MAP2K5: variants seen among roughly 807,000 people sequenced by gnomAD.
MAP2K5 encodes the protein mitogen-activated protein kinase kinase 5.
MAP2K5 carries 49 observed loss-of-function variants against 83.1 expected under a neutral mutation model. That is an observed-to-expected ratio of 0.59 (90% CI 0.47 to 0.75). The LOEUF is 0.75. MAP2K5 is among the 30% of genes least tolerant of loss of function. The pLI is 0.00. For missense variants in MAP2K5, 457 were observed against 557.5 expected, an observed-to-expected ratio of 0.82 and a Z score of 1.82; for synonymous variants, 202 against 191.8, an observed-to-expected ratio of 1.05 and a Z score of -0.44.
At chr15:67,607,387 A>G (rs1367815896) in intron 8 of MAP2K5, among the ~76,000 whole-genome samples, 6 of 152,198 alleles carry the variant, frequency 3.9e-5, no homozygotes. Context: ...ACGATAATGT[A>G]TATTTTATTG....
At chr15:67,651,295 C>T (rs1323118301) in intron 11 of MAP2K5, among the ~76,000 whole-genome samples, 1 of 152,286 alleles carries the variant, frequency 6.6e-6, no homozygotes, top group East Asian at 1.9e-4. Context: ...AATATTTTGA[C>T]ACAAGCATAC....
At chr15:67,706,610 T>C (rs752441224) in intron 16 of MAP2K5, among the ~76,000 whole-genome samples, 103 of 152,126 alleles carry the variant, frequency 6.8e-4, no homozygotes, top group Admixed American at 1.2e-3. Context: ...ATTATGATCA[T>C]CAGAGAGGGT....
chr15:67,771,818 T>C (rs972573383), intron 20 of MAP2K5, among the ~76,000 whole-genome samples: 1 of 152,246 alleles, frequency 6.6e-6, no homozygotes, highest in Non-Finnish European at 1.5e-5. Context: ...TCTTGCTTGT[T>C]AGAAGAGTGC....
chr15:67,568,759 C>A (rs759593730), intron 3 of MAP2K5, among the ~76,000 whole-genome samples: 5 of 152,138 alleles, frequency 3.3e-5, no homozygotes, highest in Admixed American at 3.3e-4. Flanking sequence ...GTAATCCCAG[C>A]ACTTTGGGAG....
At chr15:67,740,212 A>G (rs970534228) in intron 17 of MAP2K5, among the ~76,000 whole-genome samples, 6 of 152,238 alleles carry the variant, frequency 3.9e-5, no homozygotes, top group Admixed American at 6.5e-5. Context: ...AGAGTCTAGT[A>G]TAGCGCCTGG....
intron 17 of MAP2K5, among the ~76,000 whole-genome samples, chr15:67,729,285 G>T (rs1269599533): frequency 6.6e-6 from 1 of 152,112 alleles, no homozygotes; most frequent in Admixed American, 6.5e-5. Flanking sequence ...TGGCCAATTT[G>T]TGAAATCCCC....
In MAP2K5 at chr15:67,770,354, T is replaced by A. The variant is rs2090118600; in HGVS notation, c.1196+691T>A. ...ACGCAGATGTCTTTTATTACCCCTT[T>A]CACCATCATTCCCCTCTTCCCTCGT... On this transcript the variant is annotated intron_variant, in intron 20 of 21. Transcript: ENST00000178640. The surrounding 1 kb of genome is among the most constrained non-coding windows in gnomAD (Gnocchi z 5.0). 6.6e-6 allele frequency among the ~76,000 whole-genome samples: 1 copy of A among 152,214 alleles called. No homozygotes were observed. The highest frequency in any genetic ancestry group is 1.5e-5 in the Non-Finnish European group (1 of 68,034).
At chr15:67,607,275 TTAA>T (rs1414143502) in intron 8 of MAP2K5, among the ~76,000 whole-genome samples, 1 of 152,220 alleles carries the variant, frequency 6.6e-6, no homozygotes, top group Non-Finnish European at 1.5e-5. Context: ...AGCAAGGATA[TTAA>T]TGTTTTCAGA....
intron 9 of MAP2K5, among the ~76,000 whole-genome samples, chr15:67,639,960 C>T (rs2086680115): frequency 6.6e-6 from 1 of 152,202 alleles, no homozygotes; most frequent in African/African-American, 2.4e-5. Flanking sequence ...CTATCTCTCA[C>T]TCACTCATTT....
At chr15:67,639,667 A>T (rs2086672055) in intron 9 of MAP2K5, among the ~76,000 whole-genome samples, 1 of 152,114 alleles carries the variant, frequency 6.6e-6, no homozygotes, top group Non-Finnish European at 1.5e-5. Flanking sequence ...TAAACTAAAG[A>T]CTTTAGAGGA....
At position 67,555,436 on chromosome 15, in the gene MAP2K5, G is replaced by A. The variant is rs1200496993; in HGVS notation, c.184+5354G>A. ...CCTTCCAGGCCCCGCCTGCAACATT[G>A]GGGATCACTTTGGAGGGGACAAATA... On this transcript the variant is annotated intron_variant, in intron 2 of 21. Transcript: ENST00000178640. This position sits in a 1 kb window ranked among gnomAD's most constrained non-coding sequence, Gnocchi z 5.2. 2.2e-5 allele frequency among the ~76,000 whole-genome samples: 3 copies of A among 134,206 alleles called. No individual in the cohort carries two copies. Among genetic ancestry groups the A allele is most frequent in the African/African-American group, 9.5e-5 (3 of 31,722 alleles). The allele number at this position is 134,206 out of a possible 152,430, so 88.0% of individuals were successfully genotyped here. A position where few individuals can be genotyped will look rare whatever the true frequency, so the allele number is the denominator to read the frequency against.
At chr15:67,591,653 G>A (rs2085412868) in intron 6 of MAP2K5, among the ~76,000 whole-genome samples, 1 of 151,622 alleles carries the variant, frequency 6.6e-6, no homozygotes, top group Non-Finnish European at 1.5e-5. Context: ...ACAGGCATGA[G>A]CCACCGCGCC....
At position 67,711,671 on chromosome 15, in the gene MAP2K5, G is replaced by GCA. The variant is rs72106715; in HGVS notation, c.1044+8284_1044+8285dup. Among the ~76,000 whole-genome samples, 877 of 150,992 alleles carry GCA rather than the reference G, an allele frequency of 5.8e-3. 7 individuals are homozygous for GCA. Among genetic ancestry groups the GCA allele is most frequent in the Non-Finnish European group, 7.3e-3 (492 of 67,478 alleles). ...TACACACGCACACACAGGCGTGCAC[G>GCA]CACACACACACACACACACACAAAA... On this transcript the variant is annotated intron_variant, in intron 16 of 21. Transcript: ENST00000178640.
intron 3 of MAP2K5, among the ~76,000 whole-genome samples, chr15:67,566,259 C>A (rs2589982): frequency 0.16 from 24,981 of 151,950 alleles, 2,838 homozygotes; most frequent in African/African-American, 0.32. Flanking sequence ...ACTGCAACCT[C>A]CGCCTCCTGG....
At chr15:67,726,526 C>T (rs972608515) in intron 16 of MAP2K5, among the ~76,000 whole-genome samples, 1 of 152,164 alleles carries the variant, frequency 6.6e-6, no homozygotes, top group Non-Finnish European at 1.5e-5. Context: ...AATTCTAAAA[C>T]AATTACAAAA....
In MAP2K5 at chr15:67,546,477, T is replaced by A. The variant is rs191937265; in HGVS notation, c.135+3007T>A. ...AGTTGAGGGCTCCAGTCACTGTGCA[T>A]CAAATAGCTGGGAGACCCTGGGCAA... is the stretch of plus-strand genomic sequence containing the variant. On this transcript the variant is annotated intron_variant, in intron 1 of 21. Coordinates refer to ENST00000178640, the MANE Select transcript of MAP2K5 (RefSeq NM_145160.3). 12 of 462,896 alleles carry A rather than the reference T, an allele frequency of 2.6e-5. No individual in the cohort carries two copies. The East Asian group carries it at 1.1e-3, about 42-fold the overall frequency. The allele number at this position is 462,896 out of a possible 1,614,324, so 28.7% of individuals were successfully genotyped here. A position where few individuals can be genotyped will look rare whatever the true frequency, so the allele number is the denominator to read the frequency against.
chr15:67,609,931 AG>A (rs1177849582), intron 8 of MAP2K5, among the ~76,000 whole-genome samples: 1 of 152,168 alleles, frequency 6.6e-6, no homozygotes, highest in Admixed American at 6.5e-5. Context: ...GGGAAGGTGT[AG>A]AGATGGACAG....
chr15:67,614,018 A>G (rs960037428), intron 8 of MAP2K5, among the ~76,000 whole-genome samples: 2 of 152,198 alleles, frequency 1.3e-5, no homozygotes, highest in African/African-American at 4.8e-5. Flanking sequence ...TAAAAAATCA[A>G]CACTGACCAT....
At chr15:67,549,955 C>T in intron 1 of MAP2K5, 79 bp from the exon 2 acceptor site, 5 of 1,040,706 alleles carry the variant, frequency 4.8e-6, no homozygotes, top group South Asian at 3.9e-5. Flanking sequence ...CCCAGGTTCT[C>T]ATATTTCCTG....
Sources: allele counts gnomAD v4.1 joint callset (sites outside exome capture counted in the v4.1 genomes callset), GRCh38; gene constraint gnomAD v4.1.1; non-coding constraint Gnocchi (gnomAD v3.1); transcripts MANE v1.5; gene names NCBI Gene and HGNC (gene_info 2026-07-23, HGNC 2026-07-21).